GLI3: variants seen among roughly 807,000 people sequenced by gnomAD.
GLI3 encodes the protein transcription activator GLI3.
In GLI3, 20 loss-of-function variants were observed where a neutral mutation model predicts 100.8. The observed-to-expected ratio is 0.20, with a 90% CI of 0.14 to 0.29. GLI3 has a LOEUF of 0.29. GLI3 is among the 10% of genes least tolerant of loss of function. GLI3 has a pLI of 1.00. For synonymous variants in GLI3, 938 were observed against 860.5 expected (o/e 1.09, Z -1.58); for missense variants, 2,040 against 2,128.5 (o/e 0.96, Z 0.82).
In GLI3 at chr7:41,965,350, T is replaced by G; in HGVS notation, c.3723A>C (p.Gly1241=). The G allele has an allele frequency of 6.2e-7, 1 of 1,613,698 alleles. No individual in the cohort carries two copies. Among genetic ancestry groups the G allele is most frequent in the Non-Finnish European group, 8.5e-7 (1 of 1,179,838 alleles). ...TACAGGGCTGTTCATGGAAGGCGTT[T>G]CCACTGGTGCCACTTCCGGGGCTGT... The part of the protein sequence containing the change: ...LHNSPGSGTS[G]NAFHEQPCKA... Residue 1241 remains glycine, a synonymous_variant, in exon 15 of 15, where the codon GGA becomes GGC. Transcript: ENST00000395925.
intron 2 of GLI3, among the ~76,000 whole-genome samples, chr7:42,198,758 GCACACACACACATA>G (rs1787979281): frequency 6.6e-6 from 1 of 151,310 alleles, no homozygotes; most frequent in Non-Finnish European, 1.5e-5. Flanking sequence ...AGATGCATAT[GCACACACACACATA>G]CACACACACA....
At chr7:42,030,443 A>G (rs529943283) in intron 7 of GLI3, among the ~76,000 whole-genome samples, 110 of 152,262 alleles carry the variant, frequency 7.2e-4, no homozygotes, top group Non-Finnish European at 9.6e-4. Flanking sequence ...AAAGAAAACT[A>G]TGTTTTCCTC....
At chr7:41,973,814 T>C (rs986386352) in intron 12 of GLI3, among the ~76,000 whole-genome samples, 4 of 152,226 alleles carry the variant, frequency 2.6e-5, no homozygotes, top group Admixed American at 6.5e-5. Context: ...GCAAAGATCC[T>C]GAAACTGAGA....
At chr7:42,078,791 T>G (rs372769074) in intron 3 of GLI3, among the ~76,000 whole-genome samples, 2 of 145,256 alleles carry the variant, frequency 1.4e-5, no homozygotes, top group African/African-American at 5.1e-5. Context: ...GTGCAGTGGC[T>G]CGATCTCGGC....
chr7:42,204,612 G>C (rs1262619851), intron 2 of GLI3, among the ~76,000 whole-genome samples: 1 of 152,150 alleles, frequency 6.6e-6, no homozygotes, highest in Non-Finnish European at 1.5e-5. Context: ...TGTTGACTAT[G>C]GAAGCACATC....
intron 1 of GLI3, among the ~76,000 whole-genome samples, chr7:42,224,643 T>C (rs1788550113): frequency 6.6e-6 from 1 of 152,232 alleles, no homozygotes; most frequent in Non-Finnish European, 1.5e-5. Context: ...TAAATTTACA[T>C]ATCAATTGTA....
At chr7:41,989,456 G>C (rs1244591514) in intron 10 of GLI3, among the ~76,000 whole-genome samples, 1 of 152,130 alleles carries the variant, frequency 6.6e-6, no homozygotes, top group Non-Finnish European at 1.5e-5. Context: ...GGCCAGAGGA[G>C]CTAAGAAAGT....
At chr7:42,087,714 CTTT>C (rs10574635) in intron 3 of GLI3, among the ~76,000 whole-genome samples, 5 of 145,786 alleles carry the variant, frequency 3.4e-5, no homozygotes, top group Non-Finnish European at 6.0e-5. Flanking sequence ...CCACCACCTA[CTTT>C]TTTTTTTTTT....
At chr7:41,999,196 G>C (rs1284511612) in intron 10 of GLI3, among the ~76,000 whole-genome samples, 4 of 152,108 alleles carry the variant, frequency 2.6e-5, no homozygotes. Context: ...AAAAAAATGA[G>C]ACCATCTGGA....
At chr7:42,119,102 G>A (rs1046300092) in intron 3 of GLI3, among the ~76,000 whole-genome samples, 5 of 152,162 alleles carry the variant, frequency 3.3e-5, no homozygotes, top group African/African-American at 4.8e-5. Flanking sequence ...GGGAAGGAGG[G>A]ACAGGACAGA....
At chr7:42,135,198 A>G (rs773635646) in intron 3 of GLI3, among the ~76,000 whole-genome samples, 1 of 152,188 alleles carries the variant, frequency 6.6e-6, no homozygotes, top group African/African-American at 2.4e-5. Flanking sequence ...CTTTTATTCT[A>G]CTGTGTGTGG....
rs192073182 is a variant in GLI3 at position 42,129,855 on chromosome 7, G to A, written c.367+18371C>T. 1.7e-3 allele frequency among the ~76,000 whole-genome samples: 263 copies of A among 152,116 alleles called. 2 individuals are homozygous for A. The highest frequency in any genetic ancestry group is 6.0e-3 in the African/African-American group (251 of 41,516). On this transcript the variant is annotated intron_variant, in intron 3 of 14. Coordinates refer to ENST00000395925, the MANE Select transcript of GLI3 (RefSeq NM_000168.6). ...CCCTGGGCTGGGCAGATCTTTTACC[G>A]GACACACCCGTGACAGTCAGATGGC...
chr7:42,240,155 T>G (rs1788909941), upstream of GLI3, among the ~76,000 whole-genome samples: 1 of 152,232 alleles, frequency 6.6e-6, no homozygotes, highest in South Asian at 2.1e-4. Flanking sequence ...TACAGGATTC[T>G]GTGCACTGCC....
rs535916253 is a variant in GLI3, at chr7:42,061,242, A to G, written c.474-12546T>C. Among the ~76,000 whole-genome samples the G allele has an allele frequency of 2.0e-5, 3 of 152,330 alleles. No homozygotes were observed. The East Asian group carries it at 5.8e-4, about 29-fold the overall frequency. ...AAGACAGGAAGCACCTAGAATTCTG[A>G]GCCAAGAAGACAGTAAGGCTACCTC... On this transcript the variant is annotated intron_variant, in intron 4 of 14. Coordinates refer to ENST00000395925, the MANE Select transcript of GLI3 (RefSeq NM_000168.6).
intron 3 of GLI3, chr7:42,113,351 C>G (rs1785765218): frequency 1.5e-6 from 1 of 659,670 alleles, no homozygotes; most frequent in Non-Finnish European, 2.8e-6. Context: ...CGTCCCGTCG[C>G]TGTTGTTGCC....
At chr7:42,198,929 CTT>C (rs34261962) in intron 2 of GLI3, among the ~76,000 whole-genome samples, 26 of 146,098 alleles carry the variant, frequency 1.8e-4, no homozygotes, top group East Asian at 2.0e-4. Context: ...GAAAAAGTTT[CTT>C]TTTTTTTTTT....
chr7:42,152,450 C>T lies in GLI3; in HGVS notation c.125-3982G>A, dbSNP rs1044710688. 5 of 982,770 alleles carry T rather than the reference C, an allele frequency of 5.1e-6. No homozygotes were observed. In the African/African-American group the frequency reaches 8.7e-5, roughly 17 times the overall value. 60.9% of individuals were successfully genotyped at this position (982,770 alleles called of 1,614,324 possible). ...CCCTCTAGGAACATTCTCGGTATCT[C>T]TCTGCCTCCCTCTCCCTCTCCCTCT... On this transcript the variant is annotated intron_variant, in intron 2 of 14. Coordinates refer to ENST00000395925, the MANE Select transcript of GLI3 (RefSeq NM_000168.6).
At chr7:42,245,493 C>T (rs769157912) in intron 1 of GLI3, among the ~76,000 whole-genome samples, 1 of 151,998 alleles carries the variant, frequency 6.6e-6, no homozygotes, top group Non-Finnish European at 1.5e-5. Flanking sequence ...TCCTGGCTAA[C>T]ACAGTGAAAC....
Position 42,040,038 on chromosome 7 carries a change from C to G in GLI3, c.1028G>C (p.Ser343Thr), listed in dbSNP as rs1176897674. The G allele has an allele frequency of 1.2e-6, 2 of 1,605,950 alleles. No homozygotes were observed. Among genetic ancestry groups the G allele is most frequent in the South Asian group, 2.2e-5 (2 of 90,898 alleles). ...SYGHLSASAISPALSFTYSSA... is the reference protein window; with the variant it reads ...SYGHLSASAITPALSFTYSSA... ...ATAATGGATTCAGGAAAATACATAC[C>G]TGATTGCACTTGCAGATAAGTGACC... Residue 343 changes from serine to threonine, a missense_variant and splice_region_variant, in exon 7 of 15, where the codon AGC becomes ACC. This residue lies in a region of GLI3 where 603 missense variants were observed against 690.9 expected (regional missense o/e 0.87). Coordinates refer to ENST00000395925, the MANE Select transcript of GLI3 (RefSeq NM_000168.6).
Sources: allele counts gnomAD v4.1 joint callset (sites outside exome capture counted in the v4.1 genomes callset), GRCh38; gene constraint gnomAD v4.1.1; regional missense constraint gnomAD v4.1.1; transcripts MANE v1.5; gene names NCBI Gene and HGNC (gene_info 2026-07-23, HGNC 2026-07-21).